DNAJB13: variants seen among roughly 807,000 people sequenced by gnomAD.
The protein encoded by DNAJB13 is dnaJ homolog subfamily B member 13.
Under a neutral mutation model 35.6 loss-of-function variants are expected in DNAJB13, and 22 were observed. That is an observed-to-expected ratio of 0.62 (90% CI 0.44 to 0.88). The LOEUF is 0.88. DNAJB13 is among the 40% of genes least tolerant of loss of function. The probability of loss-of-function intolerance (pLI) is 0.00; values close to 1 mark genes in which losing one functional copy is unlikely to be tolerated. For synonymous variants in DNAJB13, 136 were observed against 144.2 expected (o/e 0.94, Z 0.41); for missense variants, 370 against 384.3 (o/e 0.96, Z 0.31).
intron 3 of DNAJB13, 66 bp downstream of exon 3, chr11:73,959,721 T>C (rs1360248719): frequency 1.4e-6 from 2 of 1,394,884 alleles, no homozygotes; most frequent in Non-Finnish European, 1.9e-6. Context: ...GATGTTTTCG[T>C]TGAGTAGTTT....
intron 7 of DNAJB13, 147 bp from the exon 8 acceptor site, chr11:73,969,814 A>G (rs1172539936): frequency 4.5e-5 from 47 of 1,051,022 alleles, no homozygotes; most frequent in Non-Finnish European, 6.2e-5. Context: ...TCCTTTCCCA[A>G]CCAGTTCTGG....
At chr11:73,958,221 G>A in intron 1 of DNAJB13, 96 bp from the exon 2 acceptor site, 1 of 1,258,850 alleles carries the variant, frequency 7.9e-7, no homozygotes, top group Non-Finnish European at 1.1e-6. Flanking sequence ...CGGATTTATA[G>A]CTAGGCAGGA....
chr11:73,960,863 C>T (rs1420915862), intron 3 of DNAJB13, among the ~76,000 whole-genome samples: 1 of 151,996 alleles, frequency 6.6e-6, no homozygotes, highest in Non-Finnish European at 1.5e-5. Context: ...ACATGCAAAT[C>T]TATATACTAT....
At position 73,964,943 on chromosome 11, in the gene DNAJB13, A is replaced by G; in HGVS notation, c.400A>G (p.Lys134Glu). Reference protein sequence around the residue: ...NFGGLQGRGVKKQDPQVERDL... With the variant: ...NFGGLQGRGVEKQDPQVERDL... ...TGGGGGGCTCCAGGGCCGAGGGGTC[A>G]AGAAGCAGGACCCCCAAGTCGAACG... is the stretch of plus-strand genomic sequence containing the variant. The change falls in exon 4 of 8, where the codon AAG (lysine) becomes GAG (glutamate). Residue 134 changes from lysine to glutamate, a missense_variant. Coordinates refer to ENST00000339764, the MANE Select transcript of DNAJB13 (RefSeq NM_153614.4). 1 of 1,613,470 alleles carries G rather than the reference A, an allele frequency of 6.2e-7. No individual in the cohort carries two copies. The highest frequency in any genetic ancestry group is 8.5e-7 in the Non-Finnish European group (1 of 1,179,876).
At chr11:73,964,818 C>CGA in intron 3 of DNAJB13, 60 bp from the exon 4 acceptor site, 1 of 1,511,550 alleles carries the variant, frequency 6.6e-7, no homozygotes. Flanking sequence ...TGTGTGCGCG[C>CGA]GCGCGCATGT....
chr11:73,963,246 G>A (rs1355405656), intron 3 of DNAJB13, among the ~76,000 whole-genome samples: 1 of 152,070 alleles, frequency 6.6e-6, no homozygotes, highest in Non-Finnish European at 1.5e-5. Flanking sequence ...TTAGGAGGCT[G>A]AGGTAGGAGA....
Position 73,966,524 on chromosome 11 carries a change from TG to T in DNAJB13, c.606+274del, listed in dbSNP as rs534143755. ...TGGGGGCCCAGAGAAGAAAGGGACT[TG>T]CCCAGGGCAAGAACATGGGAGCTGA... On this transcript the variant is annotated intron_variant, in intron 5 of 7. Transcript: ENST00000339764. Among the ~76,000 whole-genome samples the T allele has an allele frequency of 7.2e-5, 11 of 152,220 alleles. No individual in the cohort carries two copies. In the East Asian group the frequency reaches 2.1e-3, roughly 29 times the overall value.
chr11:73,959,834 C>T, intron 3 of DNAJB13, 179 bp downstream of exon 3: 2 of 500,216 alleles, frequency 4.0e-6, no homozygotes, highest in Non-Finnish European at 6.1e-6. Flanking sequence ...GGGATCATGG[C>T]TTACTGCAAC....
intron 1 of DNAJB13, among the ~76,000 whole-genome samples, chr11:73,953,770 A>G (rs1950646320): frequency 1.3e-5 from 2 of 152,038 alleles, no homozygotes; most frequent in South Asian, 4.2e-4. Flanking sequence ...GTATAAAACA[A>G]TATGAGATGG....
chr11:73,962,117 C>T (rs564307027), intron 3 of DNAJB13, among the ~76,000 whole-genome samples: 2 of 152,232 alleles, frequency 1.3e-5, no homozygotes, highest in African/African-American at 4.8e-5. Flanking sequence ...TAATTACTGT[C>T]TTATTGATGG....
At chr11:73,969,505 C>A (rs1308652867) in intron 7 of DNAJB13, among the ~76,000 whole-genome samples, 183 bp downstream of exon 7, 2 of 152,230 alleles carry the variant, frequency 1.3e-5, no homozygotes, top group Admixed American at 6.5e-5. Context: ...CTGCAATCAC[C>A]TGGCAAAAGG....
chr11:73,960,717 A>C (rs1950910581), intron 3 of DNAJB13, among the ~76,000 whole-genome samples: 1 of 152,196 alleles, frequency 6.6e-6, no homozygotes, highest in Admixed American at 6.5e-5. Flanking sequence ...TGCTTGTATG[A>C]GCTGTATTTA....
At chr11:73,965,955 G>T in intron 4 of DNAJB13, 183 bp from the exon 5 acceptor site, 2 of 605,360 alleles carry the variant, frequency 3.3e-6, no homozygotes, top group South Asian at 1.9e-5. Flanking sequence ...GTGGCTCAGG[G>T]CAGGCTCTCC....
chr11:73,952,444 C>A (rs1950611326), intron 1 of DNAJB13, among the ~76,000 whole-genome samples: 1 of 152,176 alleles, frequency 6.6e-6, no homozygotes, highest in Non-Finnish European at 1.5e-5. Flanking sequence ...CCCACAAGTG[C>A]ACTAGTAAAT....
At position 73,964,871 on chromosome 11, in the gene DNAJB13, C is replaced by T. The variant is rs1280646670; in HGVS notation, c.335-7C>T. ...ATTTCTCTTACTCCTCTCCCTACCTCCTGCAGAGTTTTTTGATGCAGAAGG... is the reference window on the plus strand; with the variant it reads ...ATTTCTCTTACTCCTCTCCCTACCTTCTGCAGAGTTTTTTGATGCAGAAGG... On this transcript the variant is annotated splice_polypyrimidine_tract_variant and splice_region_variant and intron_variant, in intron 3 of 7. Transcript: ENST00000339764. 4 of 1,612,358 alleles carry T rather than the reference C, an allele frequency of 2.5e-6. No individual in the cohort carries two copies. The highest frequency in any genetic ancestry group is 3.4e-6 in the Non-Finnish European group (4 of 1,179,712).
chr11:73,955,266 C>A (rs186182352), intron 1 of DNAJB13, among the ~76,000 whole-genome samples: 1 of 150,884 alleles, frequency 6.6e-6, no homozygotes, highest in African/African-American at 2.4e-5. Flanking sequence ...TGAAACCACT[C>A]AAATTTATAT....
At chr11:73,951,233 A>G in intron 1 of DNAJB13, 96 bp downstream of exon 1, 1 of 1,447,264 alleles carries the variant, frequency 6.9e-7, no homozygotes, top group East Asian at 2.3e-5. Flanking sequence ...CTTAGCGCAG[A>G]CAAGGTAAAC....
At chr11:73,966,433 C>T (rs1951118169) in intron 5 of DNAJB13, among the ~76,000 whole-genome samples, 182 bp downstream of exon 5, 1 of 152,162 alleles carries the variant, frequency 6.6e-6, no homozygotes, top group Non-Finnish European at 1.5e-5. Flanking sequence ...GGAACAGAGC[C>T]TTAGCCTTAC....
chr11:73,970,065 G>A lies in DNAJB13; in HGVS notation c.902G>A (p.Arg301His), dbSNP rs759413708. The A allele has an allele frequency of 8.7e-6, 14 of 1,610,508 alleles. No homozygotes were observed. The highest frequency in any genetic ancestry group is 2.2e-5 in the East Asian group (1 of 44,804). The change falls in exon 8 of 8, where the codon CGC (arginine) becomes CAC (histidine). Residue 301 changes from arginine (R) to histidine (H), a missense_variant. By Grantham distance (29) the Arg-to-His change is conservative (BLOSUM62 0). Coordinates refer to ENST00000339764, the MANE Select transcript of DNAJB13 (RefSeq NM_153614.4). ...FIFFDIQFPT[R>H]LTPQKKQMLR... ...TTCTTCGACATCCAGTTCCCCACCC[G>A]CCTCACACCCCAGAAGAAGCAGATG...
Sources: allele counts gnomAD v4.1 joint callset (sites outside exome capture counted in the v4.1 genomes callset), GRCh38; gene constraint gnomAD v4.1.1; transcripts MANE v1.5; gene names NCBI Gene and HGNC (gene_info 2026-07-23, HGNC 2026-07-21).